KIF16B: variants seen among roughly 807,000 people sequenced by gnomAD.
KIF16B encodes kinesin family member 16B.
Under a neutral mutation model 156.3 loss-of-function variants are expected in KIF16B, and 98 were observed. The observed-to-expected ratio is 0.63, with a 90% confidence interval of 0.53 to 0.74. KIF16B has a LOEUF of 0.74. Ranked by LOEUF, KIF16B falls within the 30% of genes least tolerant of loss-of-function variation. KIF16B has a pLI of 0.00. For missense variants in KIF16B, 1,421 were observed against 1,606.5 expected, an observed-to-expected ratio of 0.88 and a Z score of 1.97; for synonymous variants, 564 against 583.7, an observed-to-expected ratio of 0.97 and a Z score of 0.49.
Position 16,379,840 on chromosome 20 carries a change from GC to G in KIF16B, c.2161del (p.Ala721LeufsTer31). The G allele has an allele frequency of 1.2e-6, 2 of 1,614,124 alleles. No homozygotes were observed. Among genetic ancestry groups the G allele is most frequent in the Non-Finnish European group, 1.7e-6 (2 of 1,180,026 alleles). On this transcript the variant is annotated frameshift_variant, in exon 19 of 26. Coordinates refer to ENST00000354981, the MANE Select transcript of KIF16B (RefSeq NM_024704.5). LOFTEE classifies it high-confidence loss of function. ...TTCTTGAAATATCTGAAACTTCTCA[GC>G]CTTCTCGTTGTTGTTGAGTTCTTTG... is the stretch of plus-strand genomic sequence containing the variant. ...RLKELNNNEKAEKFQIFQELD... is the reference protein window; with the variant it reads ...RLKELNNNEKXEKFQIFQELD...
intron 12 of KIF16B, among the ~76,000 whole-genome samples, chr20:16,493,642 C>G (rs2068364242): frequency 6.6e-6 from 1 of 152,158 alleles, no homozygotes; most frequent in South Asian, 2.1e-4. Context: ...GTGTCTCAAA[C>G]CTGGTATGGC....
At chr20:16,304,225 C>A (rs1182595384) in intron 25 of KIF16B, among the ~76,000 whole-genome samples, 2 of 152,166 alleles carry the variant, frequency 1.3e-5, no homozygotes, top group Non-Finnish European at 2.9e-5. Flanking sequence ...CCTCTTACAC[C>A]AATTACTGCT....
chr20:16,479,761 C>A (rs1441817649), intron 12 of KIF16B, among the ~76,000 whole-genome samples: 1 of 152,154 alleles, frequency 6.6e-6, no homozygotes, highest in Non-Finnish European at 1.5e-5. Flanking sequence ...GAGCAATAGG[C>A]CATACCATAT....
chr20:16,354,470 G>A (rs1030628848), intron 23 of KIF16B, among the ~76,000 whole-genome samples: 25 of 116,170 alleles, frequency 2.2e-4, no homozygotes, highest in African/African-American at 9.2e-4. Context: ...ATGTACAAAT[G>A]GAATTCTACA....
At chr20:16,521,152 C>T (rs1383332214) in intron 3 of KIF16B, among the ~76,000 whole-genome samples, 6 of 152,134 alleles carry the variant, frequency 3.9e-5, no homozygotes, top group African/African-American at 1.4e-4. Flanking sequence ...GGGAACAAAA[C>T]TGGACAGAGA....
chr20:16,391,425 A>G (rs2065361882), intron 17 of KIF16B, among the ~76,000 whole-genome samples: 1 of 152,198 alleles, frequency 6.6e-6, no homozygotes, highest in African/African-American at 2.4e-5. Context: ...GGTCTCAGCA[A>G]AAGAAATCAA....
intron 12 of KIF16B, among the ~76,000 whole-genome samples, chr20:16,477,763 G>A (rs1048252420): frequency 2.0e-5 from 3 of 152,060 alleles, no homozygotes; most frequent in Admixed American, 1.3e-4. Flanking sequence ...CTATAATTAT[G>A]GTTATTACTC....
chr20:16,568,363 T>C (rs909597622), intron 1 of KIF16B, among the ~76,000 whole-genome samples: 2 of 152,224 alleles, frequency 1.3e-5, no homozygotes, highest in African/African-American at 4.8e-5. Context: ...TTGGCATTTT[T>C]TAAATACTTG....
chr20:16,559,951 T>A (rs2070999110), intron 1 of KIF16B, among the ~76,000 whole-genome samples: 1 of 152,138 alleles, frequency 6.6e-6, no homozygotes, highest in African/African-American at 2.4e-5. Flanking sequence ...CAATATTACT[T>A]TCCGGTTTTG....
intron 1 of KIF16B, among the ~76,000 whole-genome samples, chr20:16,560,445 G>A (rs1303935121): frequency 6.6e-6 from 1 of 152,156 alleles, no homozygotes; most frequent in Non-Finnish European, 1.5e-5. Context: ...ACAGGCCCCT[G>A]GGGCAAAGGA....
At chr20:16,498,546 T>A (rs2068520913) in intron 10 of KIF16B, among the ~76,000 whole-genome samples, 1 of 152,222 alleles carries the variant, frequency 6.6e-6, no homozygotes, top group African/African-American at 2.4e-5. Context: ...ATTGCCTTTT[T>A]AACACACCAA....
chr20:16,368,708 C>T, intron 22 of KIF16B: 1 of 985,940 alleles, frequency 1.0e-6, no homozygotes, highest in Non-Finnish European at 1.2e-6. Flanking sequence ...AACTCAGACG[C>T]CAGTACGCTC....
At chr20:16,543,735 A>C (rs2070293529) in intron 1 of KIF16B, among the ~76,000 whole-genome samples, 1 of 152,214 alleles carries the variant, frequency 6.6e-6, no homozygotes, top group African/African-American at 2.4e-5. Flanking sequence ...AAGCGGCCTG[A>C]GAGTCAAGCT....
intron 25 of KIF16B, among the ~76,000 whole-genome samples, chr20:16,308,265 G>A (rs1420560569): frequency 1.3e-5 from 2 of 152,242 alleles, no homozygotes; most frequent in East Asian, 3.8e-4. Context: ...GTTAAGAGAT[G>A]AGGAAAGGGG....
chr20:16,466,356 T>G (rs550781182), intron 12 of KIF16B, among the ~76,000 whole-genome samples: 1 of 152,220 alleles, frequency 6.6e-6, no homozygotes, highest in Admixed American at 6.5e-5. Context: ...AATGGAGAGA[T>G]GGACAAGTGG....
chr20:16,362,785 C>A (rs562208733), intron 22 of KIF16B, among the ~76,000 whole-genome samples: 1 of 152,092 alleles, frequency 6.6e-6, no homozygotes, highest in African/African-American at 2.4e-5. Flanking sequence ...TCAAAAGGAA[C>A]AAAATATGAG....
At chr20:16,273,468 A>G in intron 25 of KIF16B, 57 bp from the exon 26 acceptor site, 1 of 1,494,004 alleles carries the variant, frequency 6.7e-7, no homozygotes, top group Non-Finnish European at 9.3e-7. Flanking sequence ...GGCGGGTGGG[A>G]TCGCTTGAGC....
intron 25 of KIF16B, among the ~76,000 whole-genome samples, chr20:16,296,052 A>G (rs777811447): frequency 6.6e-6 from 1 of 152,144 alleles, no homozygotes; most frequent in Non-Finnish European, 1.5e-5. Flanking sequence ...AGTTTCAAAG[A>G]CCTTTCCTTC....
intron 2 of KIF16B, among the ~76,000 whole-genome samples, chr20:16,527,720 G>T (rs904835214): frequency 6.6e-6 from 1 of 152,038 alleles, no homozygotes; most frequent in African/African-American, 2.4e-5. Flanking sequence ...AGGACCACAG[G>T]TGTGCACCAC....
Sources: gnomAD v4.1 joint callset for allele counts (sites outside exome capture counted in the v4.1 genomes callset) on GRCh38, gnomAD v4.1.1 for gene constraint, MANE v1.5 for transcripts, NCBI Gene and HGNC (gene_info 2026-07-23, HGNC 2026-07-21) for gene names.